The following SPMIP3 variants were observed in gnomAD, a reference collection of about 807,000 sequenced individuals.
SPMIP3 encodes the protein sperm microtubule inner protein 3.
the SPMIP3 span, chr1:244,375,468 G>A: frequency 1.2e-6 from 2 of 1,611,064 alleles, no homozygotes; most frequent in South Asian, 1.1e-5. Context: ...GAGCTCCCAG[G>A]TGAGACACCT....
At chr1:244,370,160 C>T in the SPMIP3 span, among the ~76,000 whole-genome samples, 1 of 152,194 alleles carries the variant, frequency 6.6e-6, no homozygotes, top group East Asian at 1.9e-4. Context: ...GTATCAATAC[C>T]AACACCTTGG....
At chr1:244,372,444 A>ATT in the SPMIP3 span, among the ~76,000 whole-genome samples, 12 of 140,828 alleles carry the variant, frequency 8.5e-5, no homozygotes, top group South Asian at 1.6e-3. Context: ...CTGACTCTGA[A>ATT]TTTTTTTTTT....
the SPMIP3 span, among the ~76,000 whole-genome samples, chr1:244,381,419 G>A: frequency 2.0e-5 from 3 of 152,128 alleles, no homozygotes; most frequent in Non-Finnish European, 4.4e-5. Flanking sequence ...GACACAAAAG[G>A]TGTTCTCCCT....
the SPMIP3 span, among the ~76,000 whole-genome samples, chr1:244,384,066 C>T: frequency 2.6e-5 from 4 of 151,910 alleles, no homozygotes; most frequent in South Asian, 4.2e-4. Context: ...CTCCCCAAAC[C>T]TATGGAAATA....
chr1:244,382,750 C>T, the SPMIP3 span, among the ~76,000 whole-genome samples: 19 of 151,608 alleles, frequency 1.3e-4, no homozygotes, highest in African/African-American at 2.2e-4. Flanking sequence ...ACTACAGGCG[C>T]GCACCACCAG....
At chr1:244,359,893 AAGGTGAAG>A in the SPMIP3 span, among the ~76,000 whole-genome samples, 1 of 151,876 alleles carries the variant, frequency 6.6e-6, no homozygotes, top group African/African-American at 2.4e-5. Flanking sequence ...GGCGGATCAC[AAGGTGAAG>A]AGATTGAGAC....
At chr1:244,362,055 A>C in the SPMIP3 span, among the ~76,000 whole-genome samples, 2 of 152,146 alleles carry the variant, frequency 1.3e-5, no homozygotes, top group African/African-American at 4.8e-5. Context: ...GTAAAAGTAC[A>C]TTATATAATG....
the SPMIP3 span, among the ~76,000 whole-genome samples, chr1:244,370,785 T>A: frequency 1.3e-5 from 2 of 152,148 alleles, no homozygotes; most frequent in Admixed American, 6.5e-5. Flanking sequence ...GACATGGAGT[T>A]TGGAGAACTG....
At chr1:244,356,587 G>C in the SPMIP3 span, among the ~76,000 whole-genome samples, 1 of 152,154 alleles carries the variant, frequency 6.6e-6, no homozygotes, top group Admixed American at 6.5e-5. Context: ...TCTGTGCACT[G>C]AAAGTCTAAC....
At chr1:244,360,119 T>C in the SPMIP3 span, among the ~76,000 whole-genome samples, 1 of 151,352 alleles carries the variant, frequency 6.6e-6, no homozygotes, top group African/African-American at 2.4e-5. Context: ...AAAAAAAAAG[T>C]TCAACATTAC....
chr1:244,374,905 C>T, the SPMIP3 span, among the ~76,000 whole-genome samples: 1 of 152,062 alleles, frequency 6.6e-6, no homozygotes, highest in Non-Finnish European at 1.5e-5. Flanking sequence ...GCCCGATTCC[C>T]ACATTTCAAC....
chr1:244,368,516 C>T, the SPMIP3 span, among the ~76,000 whole-genome samples: 2 of 152,246 alleles, frequency 1.3e-5, no homozygotes, highest in Admixed American at 1.3e-4. Context: ...TTTGCCACAT[C>T]TCCAGGTTAG....
the SPMIP3 span, among the ~76,000 whole-genome samples, chr1:244,373,332 T>TTATATATATATATATATATATATATA: frequency 9.5e-3 from 809 of 84,974 alleles, 55 homozygotes; most frequent in Non-Finnish European, 0.014. Context: ...CAAAAAAAAA[T>TTATATATATATATATATATATATATA]TATATATATA....
chr1:244,387,771 G>A, the SPMIP3 span, among the ~76,000 whole-genome samples: 1 of 152,176 alleles, frequency 6.6e-6, no homozygotes, highest in African/African-American at 2.4e-5. Context: ...GCCTGGACCA[G>A]GGTGTGATGG....
the SPMIP3 span, among the ~76,000 whole-genome samples, chr1:244,387,481 G>A: frequency 2.1e-5 from 3 of 139,864 alleles, no homozygotes; most frequent in Middle Eastern, 3.5e-3. Flanking sequence ...ATTTAGGAAC[G>A]GCAGTATCAC....
the SPMIP3 span, among the ~76,000 whole-genome samples, chr1:244,373,421 G>C: frequency 2.1e-5 from 3 of 143,732 alleles, no homozygotes; most frequent in Non-Finnish European, 3.0e-5. Context: ...GAGGATCTCT[G>C]GATCCCAGGA....
At chr1:244,358,350 G>A in the SPMIP3 span, among the ~76,000 whole-genome samples, 18 of 152,280 alleles carry the variant, frequency 1.2e-4, no homozygotes, top group African/African-American at 3.9e-4. Context: ...TAGGGAGGCC[G>A]AGGTGGGTGG....
At chr1:244,389,570 CAAG>C in the SPMIP3 span, 1 of 152,154 alleles carries the variant, frequency 6.6e-6, no homozygotes, top group African/African-American at 2.4e-5. Context: ...CCTATCTTGG[CAAG>C]AAGAAAGCCT....
the SPMIP3 span, among the ~76,000 whole-genome samples, chr1:244,379,587 C>T: frequency 1.1e-4 from 17 of 152,140 alleles, no homozygotes; most frequent in Non-Finnish European, 2.2e-4. Flanking sequence ...TTTTCTTATT[C>T]CCGATTTCAA....
Sources: allele counts gnomAD v4.1 joint callset (sites outside exome capture counted in the v4.1 genomes callset), GRCh38; gene constraint gnomAD v4.1.1; transcripts MANE v1.5; gene names NCBI Gene and HGNC (gene_info 2026-07-23, HGNC 2026-07-21).